FGF12: variants seen among roughly 807,000 people sequenced by gnomAD.
FGF12 encodes fibroblast growth factor 12.
In FGF12, 14 loss-of-function variants were observed where a neutral mutation model predicts 23.6. The ratio of observed to expected loss-of-function variants is 0.59; its 90% CI spans 0.39 to 0.93. The LOEUF (loss-of-function observed/expected upper bound fraction) is 0.93. Ranked by LOEUF, FGF12 falls within the 40% of genes least tolerant of loss-of-function variation. The pLI, the probability that FGF12 is intolerant of heterozygous loss-of-function variation, is 0.00. For missense variants in FGF12, 175 were observed against 217.8 expected (o/e 0.80, Z 1.24); for synonymous variants, 62 against 77.3 (o/e 0.80, Z 1.04).
chr3:192,359,009 C>T (rs760650432), intron 3 of FGF12, among the ~76,000 whole-genome samples: 2 of 152,022 alleles, frequency 1.3e-5, no homozygotes, highest in Non-Finnish European at 2.9e-5. Flanking sequence ...CTCACTAAAT[C>T]GACATTCAGT....
chr3:192,316,538 C>T (rs1716236003), intron 4 of FGF12, among the ~76,000 whole-genome samples: 2 of 152,170 alleles, frequency 1.3e-5, no homozygotes. Context: ...AAGTGAAGAA[C>T]TTGCCGGTGC....
intron 2 of FGF12, among the ~76,000 whole-genome samples, chr3:192,432,639 A>AAAAAAAAG (rs1553812376): frequency 2.2e-5 from 3 of 137,166 alleles, no homozygotes; most frequent in African/African-American, 8.5e-5. Context: ...AAAAAAAAAA[A>AAAAAAAAG]AAAGAAAGAA....
rs879592718 is a variant in FGF12, at chr3:192,630,434, T to TA, written c.13+96746dup. 6.1e-3 allele frequency among the ~76,000 whole-genome samples: 877 copies of TA among 144,950 alleles called. 3 individuals are homozygous for TA. The highest frequency in any genetic ancestry group is 0.012 in the East Asian group (60 of 5,008). ...ATTTTATAGATACGGAAATCAGGGC[T>TA]AAAAAAAAAAAATTACCCAGGGTCA... On this transcript the variant is annotated intron_variant, in intron 2 of 5. Transcript: ENST00000445105.
rs556701068 is a variant in FGF12 at position 192,502,591 on chromosome 3, G to C, written c.14-142053C>G. ...ACTGTGATTACTTTTTCTGGACCAG[G>C]AGTGGCCAGACTGTGTAGATAACTA... On this transcript the variant is annotated intron_variant, in intron 2 of 5. Coordinates refer to ENST00000445105, the MANE Select transcript of FGF12 (RefSeq NM_004113.6). 4.5e-4 allele frequency among the ~76,000 whole-genome samples: 68 copies of C among 152,276 alleles called. 1 individual carries two copies. The South Asian group carries it at 8.3e-3, about 19-fold the overall frequency.
intron 4 of FGF12, among the ~76,000 whole-genome samples, chr3:192,256,175 T>C (rs1054608291): frequency 6.6e-6 from 1 of 152,088 alleles, no homozygotes; most frequent in African/African-American, 2.4e-5. Context: ...TTACTTCCCA[T>C]GCAAATTAGT....
At position 192,409,037 on chromosome 3, in the gene FGF12, G is replaced by A. The variant is rs1021535808; in HGVS notation, c.14-48499C>T. 7.5e-5 allele frequency: 74 copies of A among 983,324 alleles called. No homozygotes were observed. The highest frequency in any genetic ancestry group is 3.3e-4 in the South Asian group (7 of 21,154). The allele number at this position is 983,324 out of a possible 1,614,324, so 60.9% of individuals were successfully genotyped here. A position where few individuals can be genotyped will look rare whatever the true frequency, so the allele number is the denominator to read the frequency against. ...TCCAGCTGCGGTGAGAGCAACTCCC[G>A]GCCAGCAGCACTGCAAAGAGAGCGG... is the stretch of plus-strand genomic sequence containing the variant. On this transcript the variant is annotated intron_variant, in intron 2 of 5. Coordinates refer to ENST00000445105, the MANE Select transcript of FGF12 (RefSeq NM_004113.6). The surrounding 1 kb of genome is among the most constrained non-coding windows in gnomAD (Gnocchi z 4.8).
chr3:192,528,690 T>A (rs2108849860), intron 2 of FGF12, among the ~76,000 whole-genome samples: 1 of 152,292 alleles, frequency 6.6e-6, no homozygotes, highest in South Asian at 2.1e-4. Context: ...ATCTAGGCGT[T>A]TCCTTACATC....
At chr3:192,255,576 T>A (rs1239556820) in intron 4 of FGF12, among the ~76,000 whole-genome samples, 2 of 152,098 alleles carry the variant, frequency 1.3e-5, no homozygotes, top group African/African-American at 4.8e-5. Context: ...TAATTAGATA[T>A]CTGTTTTACA....
In FGF12 at chr3:192,227,654, T is replaced by TA. The variant is rs959976139; in HGVS notation, c.229-56999dup. On this transcript the variant is annotated intron_variant, in intron 4 of 5. Coordinates refer to ENST00000445105, the MANE Select transcript of FGF12 (RefSeq NM_004113.6). Reference sequence around the variant, plus strand: ...TAGTAAGTGAGCAAGAGGTAACTAGTAAGTATATGAAATTGAAGGAAAAAT... The same window carrying TA: ...TAGTAAGTGAGCAAGAGGTAACTAGTAAAGTATATGAAATTGAAGGAAAAAT... Among the ~76,000 whole-genome samples, 18 of 146,818 alleles carry TA rather than the reference T, an allele frequency of 1.2e-4. No homozygotes were observed. In the East Asian group the frequency reaches 3.4e-3, roughly 28 times the overall value.
chr3:192,313,026 T>C (rs1716040762), intron 4 of FGF12, among the ~76,000 whole-genome samples: 1 of 152,138 alleles, frequency 6.6e-6, no homozygotes, highest in Non-Finnish European at 1.5e-5. Flanking sequence ...TTTTCATCCT[T>C]TATGTTTTAG....
intron 2 of FGF12, among the ~76,000 whole-genome samples, chr3:192,494,827 T>C (rs1469885545): frequency 7.1e-6 from 1 of 140,112 alleles, no homozygotes; most frequent in Non-Finnish European, 1.5e-5. Flanking sequence ...GTGGGAAGAA[T>C]TGGAGGGCCT....
At chr3:192,271,850 TAAA>T (rs1434882367) in intron 4 of FGF12, among the ~76,000 whole-genome samples, 4 of 152,246 alleles carry the variant, frequency 2.6e-5, no homozygotes, top group South Asian at 4.2e-4. Context: ...TGCAGCACTG[TAAA>T]AAGAAGTATC....
At chr3:192,332,023 G>A (rs1213268272) in intron 4 of FGF12, among the ~76,000 whole-genome samples, 1 of 152,046 alleles carries the variant, frequency 6.6e-6, no homozygotes, top group Non-Finnish European at 1.5e-5. Context: ...GAAGAAAAGT[G>A]AAATCAGAGA....
chr3:192,534,468 T>G (rs2108852879), intron 2 of FGF12, among the ~76,000 whole-genome samples: 1 of 152,300 alleles, frequency 6.6e-6, no homozygotes, highest in East Asian at 1.9e-4. Flanking sequence ...TGATCTTGCC[T>G]CACTGCAACC....
chr3:192,583,828 G>A (rs1334082452), intron 2 of FGF12, among the ~76,000 whole-genome samples: 1 of 152,080 alleles, frequency 6.6e-6, no homozygotes, highest in Non-Finnish European at 1.5e-5. Context: ...GCCTTAAAGG[G>A]CTGCTTCTGA....
intron 4 of FGF12, among the ~76,000 whole-genome samples, chr3:192,221,778 G>A (rs990259099): frequency 2.6e-5 from 4 of 152,008 alleles, no homozygotes; most frequent in East Asian, 1.9e-4. Flanking sequence ...AAAATATCAC[G>A]AAAATATTTA....
intron 4 of FGF12, among the ~76,000 whole-genome samples, chr3:192,333,242 C>A (rs1457953839): frequency 6.6e-6 from 1 of 152,044 alleles, no homozygotes; most frequent in African/African-American, 2.4e-5. Flanking sequence ...TCTTCATGGA[C>A]CTTTGGGGAT....
intron 4 of FGF12, among the ~76,000 whole-genome samples, chr3:192,294,699 A>T (rs1372554970): frequency 6.6e-6 from 1 of 152,234 alleles, no homozygotes; most frequent in Non-Finnish European, 1.5e-5. Flanking sequence ...ATCTTCCAAC[A>T]TATTTTGGCT....
intron 4 of FGF12, among the ~76,000 whole-genome samples, chr3:192,333,979 G>A (rs956380464): frequency 3.3e-5 from 5 of 152,040 alleles, no homozygotes; most frequent in Non-Finnish European, 5.9e-5. Context: ...ACAATGAGCT[G>A]GGACAAAGTC....
Sources: allele counts gnomAD v4.1 joint callset (sites outside exome capture counted in the v4.1 genomes callset), GRCh38; gene constraint gnomAD v4.1.1; non-coding constraint Gnocchi (gnomAD v3.1); transcripts MANE v1.5; gene names NCBI Gene and HGNC (gene_info 2026-07-23, HGNC 2026-07-21).